The following DEK variants were observed in gnomAD, a reference collection of about 807,000 sequenced individuals.
The protein encoded by DEK is DEK proto-oncogene.
In DEK, 28 loss-of-function variants were observed where a neutral mutation model predicts 46.8. That is an observed-to-expected ratio of 0.60 (90% confidence interval 0.44 to 0.82). The LOEUF (loss-of-function observed/expected upper bound fraction) is 0.82, where lower values mean the gene tolerates loss of function less well. Ranked by LOEUF, DEK falls within the 40% of genes least tolerant of loss-of-function variation. The probability of loss-of-function intolerance (pLI) is 0.00; values close to 1 mark genes in which losing one functional copy is unlikely to be tolerated. For missense variants in DEK, 416 were observed against 430.6 expected, an observed-to-expected ratio of 0.97 and a Z score of 0.30; for synonymous variants, 160 against 144.5, an observed-to-expected ratio of 1.11 and a Z score of -0.77.
intron 7 of DEK, among the ~76,000 whole-genome samples, chr6:18,242,331 C>T (rs979186626): frequency 1.3e-5 from 2 of 152,190 alleles, no homozygotes; most frequent in Admixed American, 1.3e-4. Flanking sequence ...CACTGTACCC[C>T]AGCCTGGGCA....
chr6:18,248,487 A>T lies in DEK; in HGVS notation c.762+1164T>A, dbSNP rs76308289. 3.0e-3 allele frequency among the ~76,000 whole-genome samples: 459 copies of T among 152,210 alleles called. 5 individuals carry two copies. Among genetic ancestry groups the T allele is most frequent in the South Asian group, 0.028 (137 of 4,826 alleles). ...CCTCCCGGATATCCAATCCATAAAGACCTTAATGCTCAGATTACTTATTTT... is the reference window on the plus strand; with the variant it reads ...CCTCCCGGATATCCAATCCATAAAGTCCTTAATGCTCAGATTACTTATTTT... On this transcript the variant is annotated intron_variant, in intron 7 of 10. Coordinates refer to ENST00000652689, the MANE Select transcript of DEK (RefSeq NM_003472.4).
At chr6:18,229,351 C>T (rs1383080662) in intron 9 of DEK, among the ~76,000 whole-genome samples, 1 of 152,228 alleles carries the variant, frequency 6.6e-6, no homozygotes, top group Non-Finnish European at 1.5e-5. Flanking sequence ...AACACAGCTC[C>T]TCGCCAGCAA....
intron 6 of DEK, among the ~76,000 whole-genome samples, chr6:18,250,732 G>C (rs1019966879): frequency 5.3e-5 from 8 of 151,748 alleles, no homozygotes; most frequent in Non-Finnish European, 8.8e-5. Flanking sequence ...CTGACCTCAA[G>C]TGATCCACCC....
At chr6:18,236,893 G>A (rs919568077) in intron 8 of DEK, among the ~76,000 whole-genome samples, 4 of 152,074 alleles carry the variant, frequency 2.6e-5, no homozygotes, top group Non-Finnish European at 5.9e-5. Flanking sequence ...CCACCAGGAG[G>A]TAATTCCATA....
chr6:18,257,343 G>A (rs1791642729), intron 4 of DEK, among the ~76,000 whole-genome samples: 1 of 152,080 alleles, frequency 6.6e-6, no homozygotes, highest in African/African-American at 2.4e-5. Flanking sequence ...ACATTTAAAG[G>A]TCACTAAAAC....
At chr6:18,228,828 G>A (rs1207562435) in intron 9 of DEK, among the ~76,000 whole-genome samples, 2 of 152,252 alleles carry the variant, frequency 1.3e-5, no homozygotes, top group Admixed American at 6.5e-5. Context: ...GCTGGGGGAG[G>A]GGCGCCCGCC....
intron 6 of DEK, among the ~76,000 whole-genome samples, chr6:18,251,103 TAA>T (rs2151089912): frequency 6.6e-6 from 1 of 152,360 alleles, no homozygotes; most frequent in African/African-American, 2.4e-5. Context: ...TGCTAAATTC[TAA>T]AATTGAAAAC....
chr6:18,244,562 G>A (rs571688133), intron 7 of DEK: 39 of 1,289,194 alleles, frequency 3.0e-5, no homozygotes, highest in Non-Finnish European at 3.7e-5. Flanking sequence ...AAAGACGCCT[G>A]TCACAGAGCC....
intron 9 of DEK, among the ~76,000 whole-genome samples, chr6:18,227,749 G>A (rs1036964620): frequency 3.3e-5 from 5 of 152,298 alleles, no homozygotes; most frequent in Non-Finnish European, 4.4e-5. Context: ...CATGGGTAAA[G>A]AAAACATCCA....
At chr6:18,264,214 G>A (rs1227186931) in intron 1 of DEK, 171 bp downstream of exon 1, 12 of 353,646 alleles carry the variant, frequency 3.4e-5, no homozygotes, top group East Asian at 4.5e-5. Context: ...CGCGCCCGCT[G>A]CCCCGCGTGC....
chr6:18,260,906 A>T (rs1791828631), intron 2 of DEK, among the ~76,000 whole-genome samples: 1 of 149,482 alleles, frequency 6.7e-6, no homozygotes, highest in African/African-American at 2.5e-5. Context: ...GGATTGCTTG[A>T]GCCTGGGAGG....
chr6:18,249,242 CCTTAAGTCCCTTG>C (rs1791257467), intron 7 of DEK, among the ~76,000 whole-genome samples: 1 of 152,104 alleles, frequency 6.6e-6, no homozygotes, highest in Admixed American at 6.5e-5. Context: ...GGAAAAAGGC[CCTTAAGTCCCTTG>C]CTTTTTCCGT....
chr6:18,226,368 TTAACCCA>T, intron 9 of DEK, 126 bp from the exon 10 acceptor site: 1 of 760,506 alleles, frequency 1.3e-6, no homozygotes, highest in Non-Finnish European at 1.9e-6. Context: ...AGTACTCTGG[TTAACCCA>T]TATGGAATTC....
rs138090381 is a variant in DEK at position 18,245,045 on chromosome 6, G to A, written c.762+4606C>T. On this transcript the variant is annotated intron_variant, in intron 7 of 10. Transcript: ENST00000652689. Reference sequence around the variant, plus strand: ...TTTGATCTGCCTTCCTCTTATAAAGGTAGGAAAGCTGACACCTAGATCTCA... The same window carrying A: ...TTTGATCTGCCTTCCTCTTATAAAGATAGGAAAGCTGACACCTAGATCTCA... 2.6e-3 allele frequency among the ~76,000 whole-genome samples: 392 copies of A among 152,290 alleles called. 2 individuals are homozygous for A. Among genetic ancestry groups the A allele is most frequent in the African/African-American group, 9.0e-3 (372 of 41,554 alleles).
intron 9 of DEK, among the ~76,000 whole-genome samples, chr6:18,230,942 T>C (rs1205965087): frequency 1.3e-5 from 2 of 152,162 alleles, no homozygotes; most frequent in African/African-American, 2.4e-5. Flanking sequence ...CAGCACTACA[T>C]CGCACTTATT....
At chr6:18,225,996 ACTTTAATTTTAAG>A (rs1413909727) in intron 10 of DEK, 165 bp downstream of exon 10, 2 of 765,110 alleles carry the variant, frequency 2.6e-6, no homozygotes, top group Non-Finnish European at 3.9e-6. Context: ...AACTGTTCAA[ACTTTAATTTTAAG>A]CTTTAAAGTG....
intron 9 of DEK, among the ~76,000 whole-genome samples, chr6:18,231,962 TCAATA>T (rs1469558273): frequency 2.6e-5 from 4 of 152,160 alleles, no homozygotes; most frequent in East Asian, 1.9e-4. Flanking sequence ...GCAAAAATCC[TCAATA>T]CAATACTGGC....
chr6:18,225,851 A>AC, intron 10 of DEK, 121 bp from the exon 11 acceptor site: 1 of 1,193,074 alleles, frequency 8.4e-7, no homozygotes, highest in Non-Finnish European at 1.2e-6. Flanking sequence ...AATTACAGCT[A>AC]CCTGCTGATC....
Position 18,258,068 on chromosome 6 carries a change from G to T in DEK, c.248-6C>A. On this transcript the variant is annotated splice_polypyrimidine_tract_variant and splice_region_variant and intron_variant, in intron 3 of 10. Coordinates refer to ENST00000652689, the MANE Select transcript of DEK (RefSeq NM_003472.4). ...ACAAAGTTTCTGCCCCTTTCCTGGG[G>T]AAAAAAAAAAATCACAATTAAATAC... is the stretch of plus-strand genomic sequence containing the variant. The T allele has an allele frequency of 2.4e-6, 3 of 1,269,692 alleles. No individual in the cohort carries two copies. Among genetic ancestry groups the T allele is most frequent in the Non-Finnish European group, 3.2e-6 (3 of 943,612 alleles). The allele number at this position is 1,269,692 out of a possible 1,614,324, so 78.7% of individuals were successfully genotyped here.
Sources: gnomAD v4.1 joint callset for allele counts (sites outside exome capture counted in the v4.1 genomes callset) on GRCh38, gnomAD v4.1.1 for gene constraint, MANE v1.5 for transcripts, NCBI Gene and HGNC (gene_info 2026-07-23, HGNC 2026-07-21) for gene names.